CNTN5: variants seen among roughly 807,000 people sequenced by gnomAD.
CNTN5 encodes the protein contactin-5.
CNTN5 carries 77 observed loss-of-function variants against 129.1 expected under a neutral mutation model. That is an observed-to-expected ratio of 0.60 (90% confidence interval 0.50 to 0.72). The LOEUF (loss-of-function observed/expected upper bound fraction) is 0.72, where lower values mean the gene tolerates loss of function less well. Ranked by LOEUF, CNTN5 falls within the 30% of genes least tolerant of loss-of-function variation. The pLI, the probability that CNTN5 is intolerant of heterozygous loss-of-function variation, is 0.00. For synonymous variants in CNTN5, 509 were observed against 465.6 expected (o/e 1.09, Z -1.20); for missense variants, 1,478 against 1,328.8 (o/e 1.11, Z -1.75).
intron 3 of CNTN5, among the ~76,000 whole-genome samples, chr11:99,738,615 A>ATGTG (rs201365714): frequency 8.8e-6 from 1 of 113,554 alleles, no homozygotes; most frequent in African/African-American, 3.2e-5. Context: ...TAAGACAGTA[A>ATGTG]CGTGTGTGTG....
chr11:99,453,363 G>A (rs1944380778), intron 2 of CNTN5, among the ~76,000 whole-genome samples: 1 of 152,124 alleles, frequency 6.6e-6, no homozygotes, highest in South Asian at 2.1e-4. Context: ...GAAAATACCT[G>A]AAGCATTTTC....
chr11:99,652,504 A>G (rs1952195939), intron 3 of CNTN5, among the ~76,000 whole-genome samples: 1 of 152,050 alleles, frequency 6.6e-6, no homozygotes, highest in Non-Finnish European at 1.5e-5. Context: ...GGAAAGCGGT[A>G]TTACGAAGTA....
intron 3 of CNTN5, among the ~76,000 whole-genome samples, chr11:99,774,904 T>C (rs1945072416): frequency 6.6e-6 from 1 of 152,096 alleles, no homozygotes; most frequent in African/African-American, 2.4e-5. Context: ...AACCCAAGTA[T>C]CTATTTCTTA....
At chr11:99,080,598 A>G (rs1050229781) in intron 1 of CNTN5, among the ~76,000 whole-genome samples, 3 of 152,192 alleles carry the variant, frequency 2.0e-5, no homozygotes, top group African/African-American at 7.2e-5. Flanking sequence ...GATTTACCTC[A>G]GCCAGCTCCC....
At chr11:99,102,988 A>C (rs532715772) in intron 1 of CNTN5, among the ~76,000 whole-genome samples, 28 of 152,240 alleles carry the variant, frequency 1.8e-4, no homozygotes, top group African/African-American at 6.5e-4. Context: ...GAGGCCTCAC[A>C]GTCATGGCAG....
intron 9 of CNTN5, among the ~76,000 whole-genome samples, chr11:100,020,386 T>C (rs1941071541): frequency 6.6e-6 from 1 of 152,066 alleles, no homozygotes; most frequent in Non-Finnish European, 1.5e-5. Flanking sequence ...TATTAAAGAC[T>C]GTCCTTTCCT....
chr11:99,560,907 T>C (rs998160199), intron 3 of CNTN5, among the ~76,000 whole-genome samples: 4 of 152,118 alleles, frequency 2.6e-5, no homozygotes, highest in Non-Finnish European at 4.4e-5. Flanking sequence ...CACATGTGTG[T>C]GTGTTTGGGT....
chr11:100,201,397 A>G (rs545879109), intron 15 of CNTN5, among the ~76,000 whole-genome samples: 4 of 152,122 alleles, frequency 2.6e-5, no homozygotes, highest in Admixed American at 6.6e-5. Flanking sequence ...ATGAGTGAAT[A>G]ACCAAATAAA....
At chr11:99,375,448 G>C (rs1264701048) in intron 2 of CNTN5, among the ~76,000 whole-genome samples, 1 of 151,988 alleles carries the variant, frequency 6.6e-6, no homozygotes, top group African/African-American at 2.4e-5. Context: ...ACAAGTTAGA[G>C]AGTATAGTCA....
chr11:99,348,889 C>T (rs1445047918), intron 2 of CNTN5, among the ~76,000 whole-genome samples: 1 of 152,170 alleles, frequency 6.6e-6, no homozygotes, highest in Non-Finnish European at 1.5e-5. Flanking sequence ...ATCATTGATA[C>T]GTGCATTCCA....
intron 17 of CNTN5, among the ~76,000 whole-genome samples, chr11:100,269,760 A>G (rs1002955488): frequency 6.6e-6 from 1 of 152,148 alleles, no homozygotes; most frequent in African/African-American, 2.4e-5. Context: ...GGAGGTTAGA[A>G]TAAAAGGGCT....
rs566757903 is a variant in CNTN5, at chr11:99,295,930, C to T, written c.-209-29416C>T. Among the ~76,000 whole-genome samples the T allele has an allele frequency of 1.5e-3, 218 of 149,014 alleles. 1 individual carries two copies. The highest frequency in any genetic ancestry group is 1.9e-3 in the African/African-American group (75 of 40,438). On this transcript the variant is annotated intron_variant, in intron 1 of 24. Coordinates refer to ENST00000524871, the MANE Select transcript of CNTN5 (RefSeq NM_014361.4). ...AGAGTTTTGACTGATTATGAGGCAA[C>T]GTACGTACTACTAAAGTTTCTCACC...
intron 9 of CNTN5, among the ~76,000 whole-genome samples, chr11:100,008,416 T>C (rs910340761): frequency 6.6e-6 from 1 of 152,062 alleles, no homozygotes; most frequent in African/African-American, 2.4e-5. Flanking sequence ...TGTCAAAATA[T>C]AAGAGTTGGG....
chr11:99,058,759 C>T (rs183884457), intron 1 of CNTN5, among the ~76,000 whole-genome samples: 116 of 151,742 alleles, frequency 7.6e-4, no homozygotes, highest in African/African-American at 2.6e-3. Context: ...AAGACTGGCA[C>T]TCTTCTGGTC....
intron 2 of CNTN5, among the ~76,000 whole-genome samples, chr11:99,372,784 C>G (rs1446674006): frequency 6.6e-6 from 1 of 152,174 alleles, no homozygotes; most frequent in Non-Finnish European, 1.5e-5. Context: ...AACAGTTTAT[C>G]TAATGTTATA....
At chr11:99,273,431 G>A (rs190218436) in intron 1 of CNTN5, among the ~76,000 whole-genome samples, 6 of 151,830 alleles carry the variant, frequency 4.0e-5, no homozygotes, top group African/African-American at 7.2e-5. Context: ...AGCTTTATTT[G>A]TACAGAACCA....
intron 2 of CNTN5, among the ~76,000 whole-genome samples, chr11:99,495,384 A>G (rs1379067040): frequency 1.3e-5 from 2 of 152,172 alleles, no homozygotes; most frequent in African/African-American, 2.4e-5. Flanking sequence ...TTAAAAATAA[A>G]TAAATCATCC....
chr11:99,456,412 G>A (rs972302561), intron 2 of CNTN5, among the ~76,000 whole-genome samples: 7 of 152,010 alleles, frequency 4.6e-5, no homozygotes, highest in South Asian at 2.1e-4. Flanking sequence ...GTTAAATATC[G>A]AAAAGTAAAA....
intron 3 of CNTN5, among the ~76,000 whole-genome samples, chr11:99,597,786 C>G (rs1212711940): frequency 1.3e-5 from 2 of 152,092 alleles, no homozygotes; most frequent in Non-Finnish European, 2.9e-5. Context: ...TTACTTCTAC[C>G]TCACATTTTC....
Sources: gnomAD v4.1 joint callset for allele counts (sites outside exome capture counted in the v4.1 genomes callset) on GRCh38, gnomAD v4.1.1 for gene constraint, MANE v1.5 for transcripts, NCBI Gene and HGNC (gene_info 2026-07-23, HGNC 2026-07-21) for gene names.